The following CFAP92 variants were observed in gnomAD, a reference collection of about 807,000 sequenced individuals.
CFAP92 encodes the protein uncharacterized protein CFAP92.
CFAP92 carries 86 observed loss-of-function variants against 106.3 expected under a neutral mutation model. The observed-to-expected ratio is 0.81, with a 90% CI of 0.68 to 0.97. The LOEUF (loss-of-function observed/expected upper bound fraction) is 0.97, where lower values mean the gene tolerates loss of function less well. Ranked by LOEUF, CFAP92 falls within the 50% of genes least tolerant of loss-of-function variation. The pLI is 0.00. For synonymous variants in CFAP92, 477 were observed against 506.4 expected (o/e 0.94, Z 0.78); for missense variants, 1,204 against 1,283.8 (o/e 0.94, Z 0.95).
chr3:128,990,826 G>A (rs556871920), intron 2 of CFAP92, among the ~76,000 whole-genome samples: 1 of 152,292 alleles, frequency 6.6e-6, no homozygotes, highest in South Asian at 2.1e-4. Flanking sequence ...GAACCTGGGA[G>A]GTGGAGGTTG....
At chr3:128,927,535 C>T (rs1937809878) in intron 12 of CFAP92, among the ~76,000 whole-genome samples, 1 of 151,980 alleles carries the variant, frequency 6.6e-6, no homozygotes, top group South Asian at 2.1e-4. Flanking sequence ...TCCTGGCTAA[C>T]ATGGTGAAAC....
chr3:129,010,232 C>T, the CFAP92 span, among the ~76,000 whole-genome samples: 2 of 152,256 alleles, frequency 1.3e-5, no homozygotes, highest in African/African-American at 2.4e-5. This position sits in a 1 kb window ranked among gnomAD's most constrained non-coding sequence, Gnocchi z 4.3. Flanking sequence ...TGTGACATCT[C>T]GTCCTTTTGA....
At chr3:128,972,792 T>G (rs537142895) in intron 7 of CFAP92, among the ~76,000 whole-genome samples, 1 of 149,476 alleles carries the variant, frequency 6.7e-6, no homozygotes, top group African/African-American at 2.5e-5. Flanking sequence ...GAGGCAGAGG[T>G]AGCAGTGAGC....
chr3:128,932,750 G>A lies in CFAP92; in HGVS notation c.2701C>T (p.Arg901Trp), dbSNP rs756491747. The change falls in exon 12 of 16, where the codon CGG (arginine) becomes TGG (tryptophan). Residue 901 changes from arginine (R) to tryptophan (W), a missense_variant. By Grantham distance (101) the Arg-to-Trp change is moderately radical. Transcript: ENST00000645291. Reference sequence around the variant, plus strand: ...TTGTTCTTCATAAGCATGGCACTCCGCCACTGCAGGTACTTCTCCTGGTGG... The same window carrying A: ...TTGTTCTTCATAAGCATGGCACTCCACCACTGCAGGTACTTCTCCTGGTGG... ...HAHQEKYLQW[R>W]SAMLMKNKDK... 2.5e-5 allele frequency: 39 copies of A among 1,535,562 alleles called. No individual in the cohort carries two copies. The highest frequency in any genetic ancestry group is 1.8e-4 in the Middle Eastern group (1 of 5,684).
Position 128,945,465 on chromosome 3 carries a change from T to C in CFAP92, c.1864A>G (p.Arg622Gly). The stretch of plus-strand genomic sequence containing the variant: ...GAGTCAGCCTCTAGGTAGTTGCCCC[T>C]GGGCATTGGGCCGTGCTGGTGGCCA... ...RDGHQHGPMPRGNYLEADSQL... is the reference protein window; with the variant it reads ...RDGHQHGPMPGGNYLEADSQL... Residue 622 changes from arginine (R) to glycine (G), a missense_variant, in exon 10 of 16, where the codon AGG (arginine) becomes GGG (glycine). Physicochemically the swap from Arg to Gly is moderately radical, Grantham distance 125. Coordinates refer to ENST00000645291, the MANE Select transcript of CFAP92 (RefSeq NM_001394090.1). 6.5e-7 allele frequency: 1 copy of C among 1,536,170 alleles called. No homozygotes were observed. The highest frequency in any genetic ancestry group is 8.7e-7 in the Non-Finnish European group (1 of 1,146,914).
At chr3:129,006,605 T>C (rs996892602), upstream of CFAP92, among the ~76,000 whole-genome samples, 8 of 152,178 alleles carry the variant, frequency 5.3e-5, no homozygotes, top group African/African-American at 1.9e-4. Flanking sequence ...TGTGAGCCAC[T>C]GTGCCCGGCC....
At chr3:129,019,830 A>G in the CFAP92 span, among the ~76,000 whole-genome samples, 226 of 130,128 alleles carry the variant, frequency 1.7e-3, 2 homozygotes, top group South Asian at 7.3e-3. Flanking sequence ...GTGCAATGGT[A>G]TGATCTCAGC....
chr3:128,928,169 C>T (rs776200026), intron 12 of CFAP92, among the ~76,000 whole-genome samples: 8 of 152,020 alleles, frequency 5.3e-5, no homozygotes, highest in Non-Finnish European at 1.0e-4. Flanking sequence ...AGGAGAATGG[C>T]GTGAACCTGG....
At chr3:129,012,895 G>A in the CFAP92 span, among the ~76,000 whole-genome samples, 1 of 152,220 alleles carries the variant, frequency 6.6e-6, no homozygotes, top group Non-Finnish European at 1.5e-5. Flanking sequence ...TTTTTATGTA[G>A]TGTAGCAGTT....
At chr3:128,959,181 G>A (rs994154301) in intron 9 of CFAP92, among the ~76,000 whole-genome samples, 3 of 152,118 alleles carry the variant, frequency 2.0e-5, no homozygotes, top group African/African-American at 7.2e-5. Flanking sequence ...CTGCACTCCA[G>A]CCTGGGCAAC....
chr3:128,949,402 C>T (rs545171254), intron 9 of CFAP92, among the ~76,000 whole-genome samples: 15 of 152,326 alleles, frequency 9.8e-5, no homozygotes, highest in African/African-American at 3.4e-4. Flanking sequence ...CCGATAGATG[C>T]GGCCACTTGA....
the CFAP92 span, among the ~76,000 whole-genome samples, chr3:129,025,749 C>G: frequency 1.2e-5 from 1 of 83,532 alleles, no homozygotes; most frequent in Non-Finnish European, 3.0e-5. Context: ...AGTAGCACAC[C>G]CCAGGGCTCC....
intron 15 of CFAP92, among the ~76,000 whole-genome samples, chr3:128,913,710 G>C (rs1936584086): frequency 6.6e-6 from 1 of 152,154 alleles, no homozygotes; most frequent in African/African-American, 2.4e-5. Context: ...TGAGCATTCT[G>C]CCAGGGGTTT....
intron 12 of CFAP92, among the ~76,000 whole-genome samples, chr3:128,929,005 C>T (rs2107699164): frequency 6.6e-6 from 1 of 152,282 alleles, no homozygotes; most frequent in South Asian, 2.1e-4. Context: ...TAACTGTAAT[C>T]CCAGCACTTC....
intron 4 of CFAP92, among the ~76,000 whole-genome samples, chr3:128,985,124 G>T (rs985586594): frequency 1.3e-5 from 2 of 152,180 alleles, no homozygotes; most frequent in African/African-American, 4.8e-5. Flanking sequence ...GTGATGCTAA[G>T]CTTGGGACAG....
At chr3:129,015,098 G>A in the CFAP92 span, among the ~76,000 whole-genome samples, 3 of 152,006 alleles carry the variant, frequency 2.0e-5, no homozygotes, top group Admixed American at 2.0e-4. Flanking sequence ...TCCCACCTCG[G>A]GCTCGCCCAC....
chr3:128,957,443 C>T (rs1260607438), intron 9 of CFAP92, among the ~76,000 whole-genome samples: 1 of 151,966 alleles, frequency 6.6e-6, no homozygotes, highest in Non-Finnish European at 1.5e-5. Flanking sequence ...TTATGTTATG[C>T]GTTAAATATA....
chr3:128,913,171 A>AGGACCCTG, intron 15 of CFAP92: 1 of 405,730 alleles, frequency 2.5e-6, no homozygotes, highest in Non-Finnish European at 5.0e-6. Flanking sequence ...GGGTGACAGC[A>AGGACCCTG]GGACCCTGAG....
intron 15 of CFAP92, among the ~76,000 whole-genome samples, chr3:128,913,615 A>G (rs139756306): frequency 1.3e-5 from 2 of 152,250 alleles, no homozygotes; most frequent in East Asian, 1.9e-4. Flanking sequence ...TCCTCCAAGT[A>G]TATTCCCAAT....
Sources: gnomAD v4.1 joint callset for allele counts (sites outside exome capture counted in the v4.1 genomes callset) on GRCh38, gnomAD v4.1.1 for gene constraint, Gnocchi (gnomAD v3.1) non-coding constraint, MANE v1.5 for transcripts, NCBI Gene and HGNC (gene_info 2026-07-23, HGNC 2026-07-21) for gene names.